VRK2: variants seen among roughly 807,000 people sequenced by gnomAD.
VRK2 encodes VRK serine/threonine kinase 2.
VRK2 carries 60 observed loss-of-function variants against 57.6 expected under a neutral mutation model. The observed-to-expected ratio is 1.04, with a 90% CI of 0.85 to 1.29. VRK2 has a LOEUF of 1.29. Ranked by LOEUF, VRK2 falls within the 50% of genes most tolerant of loss-of-function variation. The pLI is 0.00. For missense variants in VRK2, 705 were observed against 588.1 expected (o/e 1.20, Z -2.06); for synonymous variants, 231 against 199.2 (o/e 1.16, Z -1.35).
At chr2:58,144,655 A>G (rs1681848340) in intron 11 of VRK2, among the ~76,000 whole-genome samples, 1 of 152,044 alleles carries the variant, frequency 6.6e-6, no homozygotes. Flanking sequence ...GTTTCACACT[A>G]ATGGTATCAG....
chr2:58,049,706 C>G (rs1450106118), intron 2 of VRK2, among the ~76,000 whole-genome samples: 1 of 152,090 alleles, frequency 6.6e-6, no homozygotes, highest in Non-Finnish European at 1.5e-5. Flanking sequence ...AGGATAAATT[C>G]TCCTAAATGT....
At chr2:58,049,459 C>T (rs1057193401) in intron 2 of VRK2, among the ~76,000 whole-genome samples, 1 of 152,040 alleles carries the variant, frequency 6.6e-6, no homozygotes, top group South Asian at 2.1e-4. Context: ...TAGAGTGGTC[C>T]CTAGGGATGT....
Position 58,146,373 on chromosome 2 carries a change from G to A in VRK2, c.1081G>A (p.Glu361Lys), listed in dbSNP as rs139700760. 1.7e-5 allele frequency: 28 copies of A among 1,610,398 alleles called. No homozygotes were observed. Among genetic ancestry groups the A allele is most frequent in the Non-Finnish European group, 2.2e-5 (26 of 1,177,848 alleles). Reference protein sequence around the residue: ...QVNKAHNRLIEKKVHSERSAE... With the variant: ...QVNKAHNRLIKKKVHSERSAE... ...CAACAAGGCACACAATAGGTTAATC[G>A]AAAAAAAAGTCCACAGTGAGAGAAG... The change falls in exon 12 of 13, where the codon GAA (glutamate) becomes AAA (lysine). Residue 361 changes from glutamate to lysine, a missense_variant. By Grantham distance (56) the Glu-to-Lys change is moderately conservative (BLOSUM62 1). Coordinates refer to ENST00000340157, the MANE Select transcript of VRK2 (RefSeq NM_006296.7).
intron 1 of VRK2, among the ~76,000 whole-genome samples, chr2:57,964,295 A>G (rs1185858848): frequency 2.6e-5 from 4 of 152,204 alleles, no homozygotes; most frequent in African/African-American, 9.6e-5. Context: ...ATTATTAAGA[A>G]AATCAAAAGG....
At chr2:58,070,047 C>T (rs1299931280) in intron 2 of VRK2, among the ~76,000 whole-genome samples, 2 of 152,146 alleles carry the variant, frequency 1.3e-5, no homozygotes, top group Non-Finnish European at 2.9e-5. Context: ...ACAGAATTCT[C>T]ATATACTACC....
chr2:58,143,945 T>C (rs72953122), intron 11 of VRK2, among the ~76,000 whole-genome samples: 3,250 of 151,634 alleles, frequency 0.021, 133 homozygotes, highest in African/African-American at 0.075. Context: ...TTGTGTCTGT[T>C]TGTGTATATA....
chr2:57,971,339 T>A (rs1412882451), intron 1 of VRK2, among the ~76,000 whole-genome samples: 1 of 152,000 alleles, frequency 6.6e-6, no homozygotes, highest in African/African-American at 2.4e-5. Flanking sequence ...CTGCCTGGTA[T>A]ATACAATTCA....
intron 8 of VRK2, among the ~76,000 whole-genome samples, chr2:58,127,039 T>G (rs1678462293): frequency 6.6e-6 from 1 of 152,114 alleles, no homozygotes; most frequent in African/African-American, 2.4e-5. Flanking sequence ...ATACCTATCT[T>G]AATTTGACAT....
At chr2:58,018,120 G>A (rs887360810) in intron 1 of VRK2, 4 of 152,140 alleles carry the variant, frequency 2.6e-5, no homozygotes, top group African/African-American at 7.2e-5. Flanking sequence ...GCCCTGCCTT[G>A]TAGCTGGGAT....
At chr2:58,084,556 A>T (rs762176965) in intron 3 of VRK2, among the ~76,000 whole-genome samples, 1 of 151,890 alleles carries the variant, frequency 6.6e-6, no homozygotes, top group African/African-American at 2.4e-5. Flanking sequence ...ACCTGGATGT[A>T]TATGTTGGTA....
At chr2:57,932,636 A>G in intron 1 of VRK2, among the ~76,000 whole-genome samples, 1 of 150,666 alleles carries the variant, frequency 6.6e-6, no homozygotes, top group East Asian at 2.0e-4. Context: ...TTAAAATTTT[A>G]CTCTTTTAAT....
chr2:58,045,527 A>T (rs1479147803), upstream of VRK2, among the ~76,000 whole-genome samples: 1 of 152,226 alleles, frequency 6.6e-6, no homozygotes, highest in Non-Finnish European at 1.5e-5. Context: ...AAATATCTTA[A>T]GAAAATAAGA....
rs562375844 is a variant in VRK2 at position 58,083,831 on chromosome 2, A to G, written c.137-258A>G. 3.9e-5 allele frequency among the ~76,000 whole-genome samples: 6 copies of G among 151,928 alleles called. 1 individual carries two copies. The South Asian group carries it at 1.0e-3, about 26-fold the overall frequency. On this transcript the variant is annotated intron_variant, in intron 2 of 12. Transcript: ENST00000340157. ...TTAAATATGGTTTATGATCAAGTGT[A>G]TGGGCTGTGATGTCAGGCAGATTTG...
chr2:58,119,123 G>A (rs2104463341), intron 7 of VRK2, among the ~76,000 whole-genome samples: 1 of 152,282 alleles, frequency 6.6e-6, no homozygotes, highest in African/African-American at 2.4e-5. Context: ...GGGCTCAGAG[G>A]CCTAACAGAG....
chr2:58,054,964 G>A (rs1179309397), intron 2 of VRK2, among the ~76,000 whole-genome samples: 1 of 152,110 alleles, frequency 6.6e-6, no homozygotes, highest in African/African-American at 2.4e-5. Context: ...TGTTAGCCAG[G>A]TAGATTTATC....
chr2:58,137,066 A>G (rs1680296029), intron 10 of VRK2, among the ~76,000 whole-genome samples: 1 of 119,052 alleles, frequency 8.4e-6, no homozygotes, highest in Non-Finnish European at 1.6e-5. Context: ...TATATATCAT[A>G]TATCATATAT....
At chr2:57,955,139 A>C (rs886767192) in intron 1 of VRK2, among the ~76,000 whole-genome samples, 2 of 152,196 alleles carry the variant, frequency 1.3e-5, no homozygotes, top group African/African-American at 4.8e-5. Context: ...GCATTGTTTC[A>C]ACATTGTCTC....
At chr2:58,133,790 T>A (rs1679565521) in intron 9 of VRK2, among the ~76,000 whole-genome samples, 1 of 152,200 alleles carries the variant, frequency 6.6e-6, no homozygotes, top group Non-Finnish European at 1.5e-5. Flanking sequence ...ACCTGTTTAA[T>A]CATGGGACAG....
chr2:57,950,759 A>C (rs763485512), intron 1 of VRK2, among the ~76,000 whole-genome samples: 6 of 152,152 alleles, frequency 3.9e-5, no homozygotes, highest in Non-Finnish European at 8.8e-5. Flanking sequence ...ATAAATTTAA[A>C]ATCTCCGTAA....
Sources: gnomAD v4.1 joint callset for allele counts (sites outside exome capture counted in the v4.1 genomes callset) on GRCh38, gnomAD v4.1.1 for gene constraint, MANE v1.5 for transcripts, NCBI Gene and HGNC (gene_info 2026-07-23, HGNC 2026-07-21) for gene names.